The following SYBU variants were observed in gnomAD, a reference collection of about 807,000 sequenced individuals.
SYBU encodes the protein syntabulin, also known as GOLSYN A protein.
A neutral mutation model predicts 35.9 loss-of-function variants in SYBU; 21 were observed. That is an observed-to-expected ratio of 0.58 (90% CI 0.41 to 0.84). SYBU has a LOEUF of 0.84. Ranked by LOEUF, SYBU falls within the 40% of genes least tolerant of loss-of-function variation. SYBU has a pLI of 0.00. For synonymous variants in SYBU, 319 were observed against 324.3 expected (o/e 0.98, Z 0.18); for missense variants, 768 against 848.2 (o/e 0.91, Z 1.17).
At chr8:109,599,357 G>GT (rs969611737) in intron 3 of SYBU, among the ~76,000 whole-genome samples, 8 of 152,134 alleles carry the variant, frequency 5.3e-5, no homozygotes, top group Admixed American at 3.9e-4. Flanking sequence ...AATAGATAGG[G>GT]TTTTTTATGG....
At chr8:109,665,521 C>A (rs1227953597) in intron 1 of SYBU, among the ~76,000 whole-genome samples, 1 of 152,110 alleles carries the variant, frequency 6.6e-6, no homozygotes, top group Admixed American at 6.6e-5. Context: ...ATTTATGTTT[C>A]CATTTTTTTG....
chr8:109,691,470 GGA>G lies in SYBU; in HGVS notation c.-197_-196del, dbSNP rs1263869549. 1.8e-6 allele frequency: 1 copy of G among 570,220 alleles called. No homozygotes were observed. The highest frequency in any genetic ancestry group is 2.0e-5 in the African/African-American group (1 of 49,802). 35.3% of individuals were successfully genotyped at this position (570,220 alleles called of 1,614,324 possible). The stretch of plus-strand genomic sequence containing the variant: ...GCTGCTGGTTTGCGCTCAGGCCCGG[GGA>G]GCCGGGCCCGGCCCGCTCCGCCCGC... On this transcript the variant is annotated 5_prime_UTR_variant, in exon 1 of 8. Coordinates refer to the SYBU transcript ENST00000422135. This position sits in a 1 kb window ranked among gnomAD's most constrained non-coding sequence, Gnocchi z 4.7.
At chr8:109,597,516 G>A (rs943064368) in intron 3 of SYBU, among the ~76,000 whole-genome samples, 12 of 151,778 alleles carry the variant, frequency 7.9e-5, no homozygotes, top group Admixed American at 1.3e-4. Context: ...CCAGGGGTTC[G>A]AGACCAGCCT....
At chr8:109,602,634 T>C (rs993370475) in intron 3 of SYBU, among the ~76,000 whole-genome samples, 1 of 152,084 alleles carries the variant, frequency 6.6e-6, no homozygotes, top group East Asian at 1.9e-4. Flanking sequence ...GGTTTCATCA[T>C]GTTGACCAGG....
chr8:109,659,854 T>A (rs1337232568), intron 1 of SYBU, among the ~76,000 whole-genome samples: 3 of 152,174 alleles, frequency 2.0e-5, no homozygotes, highest in Non-Finnish European at 4.4e-5. Context: ...TAGGTATTTT[T>A]GTAAAATTGT....
rs568869067 is a variant in SYBU at position 109,638,689 on chromosome 8, G to C, written c.229+4039C>G. Among the ~76,000 whole-genome samples the C allele has an allele frequency of 3.3e-5, 5 of 152,052 alleles. No homozygotes were observed. The South Asian group carries it at 1.0e-3, about 32-fold the overall frequency. On this transcript the variant is annotated intron_variant, in intron 2 of 6. Transcript: ENST00000276646. ...TTCTACTTGCTGTGCACATAAAATA[G>C]GGCCTGACCTCTAATACTGTATAAA...
intron 3 of SYBU, among the ~76,000 whole-genome samples, chr8:109,604,385 G>A (rs1380177242): frequency 6.6e-6 from 1 of 152,098 alleles, no homozygotes; most frequent in Non-Finnish European, 1.5e-5. Context: ...AGGTAACATG[G>A]TCATCCTCTG....
At chr8:109,576,376 T>G (rs557327754) in intron 6 of SYBU, among the ~76,000 whole-genome samples, 1 of 152,334 alleles carries the variant, frequency 6.6e-6, no homozygotes, top group South Asian at 2.1e-4. Flanking sequence ...TATTGCACTG[T>G]GTTACAAGTC....
chr8:109,654,419 C>A (rs1816275090), intron 1 of SYBU, among the ~76,000 whole-genome samples: 2 of 152,136 alleles, frequency 1.3e-5, no homozygotes, highest in Admixed American at 1.3e-4. Flanking sequence ...TTGAAAAGCA[C>A]TTTCATTTTT....
At chr8:109,603,485 T>C in intron 3 of SYBU, 1 of 819,394 alleles carries the variant, frequency 1.2e-6, no homozygotes, top group Non-Finnish European at 1.5e-6. Flanking sequence ...AACCCTTTGC[T>C]TGCCCAGCTA....
chr8:109,640,360 G>T (rs60573964), intron 2 of SYBU, among the ~76,000 whole-genome samples: 11,563 of 150,232 alleles, frequency 0.077, 551 homozygotes, highest in East Asian at 0.12. Context: ...CCTTTTTTTT[G>T]TTGTTGTTTT....
rs531676985 is a variant in SYBU, at chr8:109,687,816, A to G, written c.-58+3517T>C. 2.0e-5 allele frequency among the ~76,000 whole-genome samples: 3 copies of G among 152,286 alleles called. No individual in the cohort carries two copies. The East Asian group carries it at 5.8e-4, about 29-fold the overall frequency. On this transcript the variant is annotated intron_variant, in intron 1 of 7. Transcript: ENST00000422135. ...GGTTGGGTGACAGTAGAGATACAGT[A>G]GAGGTAATTAGGTGAGTTCACATCT...
intron 1 of SYBU, among the ~76,000 whole-genome samples, chr8:109,667,238 T>G (rs891244116): frequency 6.6e-6 from 1 of 152,052 alleles, no homozygotes; most frequent in Admixed American, 6.6e-5. Context: ...TGCCTCAGCC[T>G]CCCGAGTAGC....
At chr8:109,600,023 G>GA (rs2130024435) in intron 3 of SYBU, among the ~76,000 whole-genome samples, 1 of 152,292 alleles carries the variant, frequency 6.6e-6, no homozygotes, top group South Asian at 2.1e-4. Flanking sequence ...CTTCCTTCAG[G>GA]AAGGGGATTA....
chr8:109,602,708 C>T (rs2130082490), intron 3 of SYBU, among the ~76,000 whole-genome samples: 1 of 152,248 alleles, frequency 6.6e-6, no homozygotes, highest in South Asian at 2.1e-4. Context: ...GCTGGGATTA[C>T]AGGTGTCTGT....
In SYBU at chr8:109,610,198, G is replaced by A. The variant is rs148874251; in HGVS notation, c.427+8644C>T. 1.5e-3 allele frequency among the ~76,000 whole-genome samples: 228 copies of A among 152,138 alleles called. 2 individuals are homozygous for A. Among genetic ancestry groups the A allele is most frequent in the Non-Finnish European group, 1.3e-3 (87 of 68,012 alleles). ...TCCCCCATCACTCTCCAGTTACCTT[G>A]TTTTACTTGTCACCATCTGAACTTA... On this transcript the variant is annotated intron_variant, in intron 3 of 6. Coordinates refer to ENST00000276646, the MANE Select transcript of SYBU (RefSeq NM_001099754.2).
chr8:109,658,942 C>A (rs553769800), intron 1 of SYBU, among the ~76,000 whole-genome samples: 12 of 150,466 alleles, frequency 8.0e-5, no homozygotes, highest in African/African-American at 2.5e-4. Flanking sequence ...GGAGACAGAG[C>A]GAGACTCTGC....
At chr8:109,663,292 GA>G (rs1563771254) in intron 1 of SYBU, among the ~76,000 whole-genome samples, 7 of 151,532 alleles carry the variant, frequency 4.6e-5, no homozygotes, top group Non-Finnish European at 1.0e-4. Context: ...TAGATAGATA[GA>G]TAGATAGGTA....
At chr8:109,645,177 C>A (rs751180417), upstream of SYBU, 4 of 457,242 alleles carry the variant, frequency 8.7e-6, no homozygotes, top group South Asian at 6.2e-5. Context: ...CACAGAGAGA[C>A]AAAATAGAGA....
Sources: allele counts gnomAD v4.1 joint callset (sites outside exome capture counted in the v4.1 genomes callset), GRCh38; gene constraint gnomAD v4.1.1; non-coding constraint Gnocchi (gnomAD v3.1); transcripts MANE v1.5; gene names NCBI Gene and HGNC (gene_info 2026-07-23, HGNC 2026-07-21).